The following DENND5B variants were observed in gnomAD, a reference collection of about 807,000 sequenced individuals.
DENND5B encodes the protein DENN domain-containing protein 5B.
In DENND5B, 34 loss-of-function variants were observed where a neutral mutation model predicts 140.6. That is an observed-to-expected ratio of 0.24 (90% CI 0.18 to 0.32). The LOEUF is 0.32. DENND5B is among the 10% of genes least tolerant of loss of function. DENND5B has a pLI of 1.00. For synonymous variants in DENND5B, 551 were observed against 562.1 expected, an observed-to-expected ratio of 0.98 and a Z score of 0.28; for missense variants, 1,142 against 1,560.2, an observed-to-expected ratio of 0.73 and a Z score of 4.52.
At chr12:31,449,806 T>C (rs1944433538) in intron 5 of DENND5B, among the ~76,000 whole-genome samples, 1 of 146,336 alleles carries the variant, frequency 6.8e-6, no homozygotes, top group Non-Finnish European at 1.5e-5. Flanking sequence ...CTCAGCTCAC[T>C]GCCAAGCTCC....
intron 3 of DENND5B, among the ~76,000 whole-genome samples, chr12:31,471,653 T>C (rs1945569068): frequency 6.6e-6 from 1 of 151,950 alleles, no homozygotes; most frequent in South Asian, 2.1e-4. Context: ...TATAGATAAG[T>C]ATCATCCACT....
chr12:31,538,949 A>C (rs1206241786), intron 1 of DENND5B, among the ~76,000 whole-genome samples: 1 of 149,960 alleles, frequency 6.7e-6, no homozygotes, highest in Non-Finnish European at 1.5e-5. Flanking sequence ...AACTTCAATG[A>C]AACAAAAGGT....
chr12:31,578,142 A>AAC (rs1950086566), intron 1 of DENND5B, among the ~76,000 whole-genome samples: 3 of 151,486 alleles, frequency 2.0e-5, no homozygotes, highest in African/African-American at 7.3e-5. Context: ...AAAAAAAAAA[A>AAC]AAAAAAAAAC....
chr12:31,477,062 T>C lies in DENND5B; in HGVS notation c.904+2527A>G, dbSNP rs1945848626. 2.0e-5 allele frequency among the ~76,000 whole-genome samples: 3 copies of C among 151,828 alleles called. No individual in the cohort carries two copies. In the South Asian group the frequency reaches 6.2e-4, roughly 32 times the overall value. The stretch of plus-strand genomic sequence containing the variant: ...ACCAACATGGTGAAAACCCTGTCTC[T>C]ACTAAAAATACAAAAATCAGCTGGG... On this transcript the variant is annotated intron_variant, in intron 3 of 20. Coordinates refer to ENST00000389082, the MANE Select transcript of DENND5B (RefSeq NM_144973.4).
intron 14 of DENND5B, among the ~76,000 whole-genome samples, chr12:31,408,624 C>CAA (rs33965275): frequency 0.023 from 1,626 of 71,928 alleles, 87 homozygotes; most frequent in East Asian, 0.046. Flanking sequence ...GAGACTCTAT[C>CAA]AAAAAAAAAA....
intron 1 of DENND5B, among the ~76,000 whole-genome samples, chr12:31,574,267 A>AAAAAATAATAATAATAATAAT (rs141072772): frequency 1.1e-5 from 1 of 89,702 alleles, no homozygotes; most frequent in Non-Finnish European, 2.6e-5. Flanking sequence ...TGTCTCTAAA[A>AAAAAATAATAATAATAATAAT]AATAATAATA....
At chr12:31,455,400 C>T (rs898727240) in intron 4 of DENND5B, among the ~76,000 whole-genome samples, 1 of 152,162 alleles carries the variant, frequency 6.6e-6, no homozygotes. Context: ...CCACAAAAGT[C>T]TCCTATGTCT....
At chr12:31,574,254 C>A (rs900554686) in intron 1 of DENND5B, among the ~76,000 whole-genome samples, 7 of 80,130 alleles carry the variant, frequency 8.7e-5, no homozygotes, top group Non-Finnish European at 1.7e-4. Context: ...GAGAATGAGA[C>A]CCTGTCTCTA....
chr12:31,398,876 C>G (rs1249674436), intron 16 of DENND5B, among the ~76,000 whole-genome samples: 2 of 151,874 alleles, frequency 1.3e-5, no homozygotes, highest in South Asian at 2.1e-4. Context: ...AATCCCAGCA[C>G]TTTGGGAGGC....
At chr12:31,571,626 T>G (rs1457447422) in intron 1 of DENND5B, among the ~76,000 whole-genome samples, 3 of 152,208 alleles carry the variant, frequency 2.0e-5, no homozygotes, top group Non-Finnish European at 4.4e-5. Context: ...AATTTTTTTT[T>G]TTGTTTTTTT....
intron 11 of DENND5B, among the ~76,000 whole-genome samples, chr12:31,420,837 A>G (rs1942987870): frequency 6.6e-6 from 1 of 152,132 alleles, no homozygotes; most frequent in Admixed American, 6.6e-5. Context: ...CTTTCTCTGA[A>G]ATAGGATTTC....
At chr12:31,407,440 CTG>C (rs1942188740) in intron 14 of DENND5B, among the ~76,000 whole-genome samples, 1 of 152,060 alleles carries the variant, frequency 6.6e-6, no homozygotes, top group Non-Finnish European at 1.5e-5. Context: ...AATTTTAAAA[CTG>C]TATATAACTT....
intron 3 of DENND5B, among the ~76,000 whole-genome samples, chr12:31,471,233 T>C (rs1464459882): frequency 6.6e-6 from 1 of 152,184 alleles, no homozygotes; most frequent in South Asian, 2.1e-4. Flanking sequence ...AGGTATTCTG[T>C]AGTTTCTTGG....
chr12:31,506,123 C>G (rs1397566275), intron 1 of DENND5B, among the ~76,000 whole-genome samples: 1 of 152,148 alleles, frequency 6.6e-6, no homozygotes, highest in Non-Finnish European at 1.5e-5. Context: ...CATGAGCCAC[C>G]TTGCCTAGAC....
intron 14 of DENND5B, among the ~76,000 whole-genome samples, chr12:31,405,511 C>CACGT (rs1942072012): frequency 2.8e-5 from 4 of 144,586 alleles, no homozygotes; most frequent in Admixed American, 2.1e-4. Context: ...AGCCACCTGC[C>CACGT]ATGTATGTAT....
Position 31,479,952 on chromosome 12 carries a change from T to C in DENND5B, c.541A>G (p.Ile181Val), listed in dbSNP as rs750466367. 2.0e-5 allele frequency: 33 copies of C among 1,613,930 alleles called. No homozygotes were observed. Among genetic ancestry groups the C allele is most frequent in the Middle Eastern group, 1.6e-4 (1 of 6,084 alleles). ...LKLQRYNSYD[I>V]SRDTLYVSKS... is the part of the protein sequence containing the mutation. ...GAAACATACAGGGTGTCTCTGCTAA[T>C]ATCATAGGAGTTGTATCGCTGGAGT... The change falls in exon 3 of 21, where the codon ATT (isoleucine) becomes GTT (valine). Residue 181 changes from isoleucine (I) to valine (V), a missense_variant. Around this residue, in one of 5 missense-constraint regions of DENND5B, gnomAD observed 708 missense variants for 905.5 expected, o/e 0.78. Transcript: ENST00000389082.
intron 1 of DENND5B, among the ~76,000 whole-genome samples, chr12:31,565,350 T>C (rs1010645194): frequency 5.9e-5 from 9 of 152,030 alleles, no homozygotes; most frequent in African/African-American, 1.9e-4. Context: ...GCTGAGATCA[T>C]CTCACAAAAA....
intron 1 of DENND5B, among the ~76,000 whole-genome samples, chr12:31,533,886 TG>T (rs1277897918): frequency 1.3e-5 from 2 of 150,556 alleles, no homozygotes; most frequent in East Asian, 3.9e-4. Flanking sequence ...GGCTTTTTAG[TG>T]TTTTTTTTTT....
intron 6 of DENND5B, chr12:31,443,900 A>C (rs1944161522): frequency 6.6e-6 from 1 of 152,222 alleles, no homozygotes; most frequent in African/African-American, 2.4e-5. Flanking sequence ...CCTTTTGAAG[A>C]ATAAAATAGG....
Sources: gnomAD v4.1 joint callset for allele counts (sites outside exome capture counted in the v4.1 genomes callset) on GRCh38, gnomAD v4.1.1 for gene constraint, gnomAD v4.1.1 regional missense constraint, MANE v1.5 for transcripts, NCBI Gene and HGNC (gene_info 2026-07-23, HGNC 2026-07-21) for gene names.